Variants in RSRC1 observed in about 807,000 individuals in gnomAD.
The protein encoded by RSRC1 is serine/Arginine-related protein 53.
RSRC1 carries 39 observed loss-of-function variants against 49.1 expected under a neutral mutation model. The observed-to-expected ratio is 0.79, with a 90% CI of 0.61 to 1.04. The LOEUF is 1.04. Among genes scored for constraint, RSRC1 ranks in the 50% least tolerant of loss-of-function variants. The pLI, the probability that RSRC1 is intolerant of heterozygous loss-of-function variation, is 0.00. For missense variants in RSRC1, 388 were observed against 402.4 expected, an observed-to-expected ratio of 0.96 and a Z score of 0.31; for synonymous variants, 143 against 130.8, an observed-to-expected ratio of 1.09 and a Z score of -0.63.
intron 3 of RSRC1, among the ~76,000 whole-genome samples, chr3:158,160,296 A>G (rs1718143162): frequency 6.6e-6 from 1 of 152,186 alleles, no homozygotes; most frequent in Non-Finnish European, 1.5e-5. Context: ...AATTTCTACT[A>G]CTAAGTTTTA....
chr3:158,453,894 C>G (rs1737183437), intron 6 of RSRC1, among the ~76,000 whole-genome samples: 1 of 151,652 alleles, frequency 6.6e-6, no homozygotes, highest in Non-Finnish European at 1.5e-5. Context: ...GTCTTTTTTT[C>G]CTTGATTAGA....
chr3:158,276,298 GGTGGGGAGCCCT>G, intron 4 of RSRC1: 1 of 762,236 alleles, frequency 1.3e-6, no homozygotes, highest in Non-Finnish European at 2.4e-6. Context: ...GGCCAGATGG[GGTGGGGAGCCCT>G]GTGGAGAGCA....
At chr3:158,214,451 TA>T (rs1489097396) in intron 4 of RSRC1, among the ~76,000 whole-genome samples, 7 of 151,768 alleles carry the variant, frequency 4.6e-5, no homozygotes, top group Non-Finnish European at 8.8e-5. Context: ...TGTTCTTTAT[TA>T]TTTTTTTTCT....
At chr3:158,170,823 G>T (rs972488680) in intron 3 of RSRC1, among the ~76,000 whole-genome samples, 1 of 151,854 alleles carries the variant, frequency 6.6e-6, no homozygotes, top group Non-Finnish European at 1.5e-5. Flanking sequence ...TTTCTCCCCA[G>T]CCCTCCTTTG....
intron 6 of RSRC1, among the ~76,000 whole-genome samples, chr3:158,412,810 C>T (rs1734528660): frequency 6.6e-6 from 1 of 151,954 alleles, no homozygotes; most frequent in East Asian, 1.9e-4. Context: ...AAAAGTTTCG[C>T]TCTGATTTTG....
chr3:158,358,923 AAC>A (rs1046273028), intron 6 of RSRC1, among the ~76,000 whole-genome samples: 3 of 64,180 alleles, frequency 4.7e-5, no homozygotes, highest in Non-Finnish European at 8.8e-5. Context: ...TATACACACA[AAC>A]ATACACACAC....
rs546599495 is a variant in RSRC1, at chr3:158,215,142, T to G, written c.494+11897T>G. On this transcript the variant is annotated intron_variant, in intron 4 of 9. Coordinates refer to ENST00000611884, the MANE Select transcript of RSRC1 (RefSeq NM_001271838.2). Reference sequence around the variant, plus strand: ...GCTTTCATCTTTGTTCTTCATAGTTTTATTGCTACAAAATACACATTGTAT... The same window carrying G: ...GCTTTCATCTTTGTTCTTCATAGTTGTATTGCTACAAAATACACATTGTAT... Among the ~76,000 whole-genome samples, 4 of 152,024 alleles carry G rather than the reference T, an allele frequency of 2.6e-5. No homozygotes were observed. The East Asian group carries it at 7.8e-4, about 30-fold the overall frequency.
At chr3:158,301,315 A>G (rs1350655642) in intron 5 of RSRC1, among the ~76,000 whole-genome samples, 1 of 152,118 alleles carries the variant, frequency 6.6e-6, no homozygotes, top group Non-Finnish European at 1.5e-5. Flanking sequence ...GATGATTGCA[A>G]AATATAGATT....
At chr3:158,496,400 A>G (rs1012455877) in intron 7 of RSRC1, among the ~76,000 whole-genome samples, 6 of 152,074 alleles carry the variant, frequency 3.9e-5, no homozygotes, top group Non-Finnish European at 8.8e-5. Flanking sequence ...TAAGAAGTAC[A>G]CCCAGGTGAT....
chr3:158,504,775 G>A (rs763600486), intron 7 of RSRC1, among the ~76,000 whole-genome samples: 2 of 152,272 alleles, frequency 1.3e-5, no homozygotes, highest in East Asian at 3.9e-4. Flanking sequence ...ATTATTGAAG[G>A]ATATAGAAAG....
intron 3 of RSRC1, among the ~76,000 whole-genome samples, chr3:158,197,490 C>G (rs1036006653): frequency 1.3e-5 from 2 of 151,980 alleles, no homozygotes; most frequent in East Asian, 1.9e-4. Context: ...GATTTTTTGT[C>G]TCTATCTCCT....
chr3:158,195,069 C>G (rs1190245712), intron 3 of RSRC1, among the ~76,000 whole-genome samples: 1 of 152,194 alleles, frequency 6.6e-6, no homozygotes, highest in Admixed American at 6.5e-5. Context: ...TGAGGAATAG[C>G]CACACTGTCT....
chr3:158,268,172 C>T (rs1165758634), intron 4 of RSRC1, among the ~76,000 whole-genome samples: 5 of 152,162 alleles, frequency 3.3e-5, no homozygotes, highest in African/African-American at 1.2e-4. Flanking sequence ...TTTTCAGCTG[C>T]TCTGCCAGCT....
At chr3:158,413,465 C>T (rs1157267511) in intron 6 of RSRC1, among the ~76,000 whole-genome samples, 4 of 152,008 alleles carry the variant, frequency 2.6e-5, no homozygotes, top group African/African-American at 9.7e-5. Flanking sequence ...AAAGCAATTG[C>T]AACAAAAGCA....
chr3:158,123,914 A>G lies in RSRC1; in HGVS notation c.243A>G (p.Lys81=), dbSNP rs763108990. ...SSSSSYGSRR[K]RSRSRSRGRG... ...GCTCTTCTTATGGCTCCAGAAGGAAACGAAGTCGAAGTCGTTCAAGGGGTC... is the reference window on the plus strand; with the variant it reads ...GCTCTTCTTATGGCTCCAGAAGGAAGCGAAGTCGAAGTCGTTCAAGGGGTC... The change falls in exon 3 of 10, where the codon AAA becomes AAG. Residue 81 remains lysine, a synonymous_variant. Coordinates refer to ENST00000611884, the MANE Select transcript of RSRC1 (RefSeq NM_001271838.2). 10 of 1,612,976 alleles carry G rather than the reference A, an allele frequency of 6.2e-6. No homozygotes were observed. The highest frequency in any genetic ancestry group is 1.7e-5 in the Admixed American group (1 of 59,986).
intron 5 of RSRC1, among the ~76,000 whole-genome samples, chr3:158,315,901 G>A (rs142463759): frequency 9.9e-5 from 15 of 152,236 alleles, no homozygotes; most frequent in Non-Finnish European, 1.8e-4. Flanking sequence ...GCCAGGCATG[G>A]TGGCTCACGC....
chr3:158,527,733 T>C (rs1271651136), intron 7 of RSRC1, among the ~76,000 whole-genome samples: 3 of 151,948 alleles, frequency 2.0e-5, no homozygotes, highest in African/African-American at 4.8e-5. Context: ...GGTAAAGAAC[T>C]AAGGGGTTTT....
chr3:158,311,262 G>A (rs1728105706), intron 5 of RSRC1, among the ~76,000 whole-genome samples: 1 of 151,704 alleles, frequency 6.6e-6, no homozygotes, highest in South Asian at 2.1e-4. Flanking sequence ...ACTCATGTTT[G>A]TACTGCTTAT....
intron 5 of RSRC1, among the ~76,000 whole-genome samples, chr3:158,348,072 T>G (rs931324759): frequency 5.9e-5 from 9 of 152,212 alleles, no homozygotes; most frequent in African/African-American, 2.2e-4. Flanking sequence ...ATTTCGATTT[T>G]TTGAAACATT....
Sources: allele counts gnomAD v4.1 joint callset (sites outside exome capture counted in the v4.1 genomes callset), GRCh38; gene constraint gnomAD v4.1.1; transcripts MANE v1.5; gene names NCBI Gene and HGNC (gene_info 2026-07-23, HGNC 2026-07-21).